The following CCDC169 variants were observed in gnomAD, a reference collection of about 807,000 sequenced individuals.
CCDC169 encodes coiled-coil domain-containing protein 169.
A neutral mutation model predicts 36.0 loss-of-function variants in CCDC169; 30 were observed. That is an observed-to-expected ratio of 0.83 (90% CI 0.62 to 1.13). The LOEUF (loss-of-function observed/expected upper bound fraction) is 1.13, where lower values mean the gene tolerates loss of function less well. Among genes scored for constraint, CCDC169 ranks in the 50% most tolerant of loss-of-function variants. The probability of loss-of-function intolerance (pLI) is 0.00; values close to 1 mark genes in which losing one functional copy is unlikely to be tolerated. For missense variants in CCDC169, 245 were observed against 245.9 expected, an observed-to-expected ratio of 1.00 and a Z score of 0.03; for synonymous variants, 85 against 81.5, an observed-to-expected ratio of 1.04 and a Z score of -0.23.
chr13:36,297,159 T>C (rs1879610084), intron 1 of CCDC169, among the ~76,000 whole-genome samples: 1 of 152,138 alleles, frequency 6.6e-6, no homozygotes. Context: ...CTTTAAATGT[T>C]TCAAAAATTT....
chr13:36,278,897 T>A (rs1028932079), intron 4 of CCDC169, among the ~76,000 whole-genome samples: 1 of 152,166 alleles, frequency 6.6e-6, no homozygotes, highest in African/African-American at 2.4e-5. Context: ...CAAACAAAAC[T>A]AAACTTACCA....
At chr13:36,255,691 C>T (rs1188129255) in intron 4 of CCDC169, among the ~76,000 whole-genome samples, 4 of 150,888 alleles carry the variant, frequency 2.7e-5, no homozygotes, top group South Asian at 2.1e-4. Flanking sequence ...GCCTGCTTGC[C>T]GATCAGACTT....
chr13:36,251,432 G>C (rs1873141832), intron 6 of CCDC169, among the ~76,000 whole-genome samples: 1 of 152,082 alleles, frequency 6.6e-6, no homozygotes, highest in Non-Finnish European at 1.5e-5. Context: ...TGTTAAAATA[G>C]GCTTTTATCA....
chr13:36,244,022 T>G (rs1872185123), intron 7 of CCDC169, among the ~76,000 whole-genome samples: 1 of 152,164 alleles, frequency 6.6e-6, no homozygotes, highest in South Asian at 2.1e-4. Flanking sequence ...TCTTCACTAT[T>G]TAAGCAAATT....
intron 7 of CCDC169, among the ~76,000 whole-genome samples, chr13:36,236,618 C>A (rs1871110547): frequency 6.6e-6 from 1 of 151,972 alleles, no homozygotes; most frequent in Non-Finnish European, 1.5e-5. Context: ...AGATGATGGT[C>A]TTTATCAAAA....
chr13:36,296,930 T>C (rs1038082632), intron 1 of CCDC169, among the ~76,000 whole-genome samples: 1 of 152,236 alleles, frequency 6.6e-6, no homozygotes, highest in African/African-American at 2.4e-5. Context: ...TTTGCAGGAC[T>C]GTCCTCAAGT....
At chr13:36,242,323 T>A (rs1871935051) in intron 7 of CCDC169, among the ~76,000 whole-genome samples, 1 of 152,202 alleles carries the variant, frequency 6.6e-6, no homozygotes, top group African/African-American at 2.4e-5. Context: ...TAATTTGCAT[T>A]CTGCTGATGA....
chr13:36,232,314 T>G (rs955744296), intron 7 of CCDC169, among the ~76,000 whole-genome samples: 1 of 152,190 alleles, frequency 6.6e-6, no homozygotes, highest in African/African-American at 2.4e-5. Flanking sequence ...AGTCTGGTGA[T>G]TACTTGAAAG....
intron 7 of CCDC169, among the ~76,000 whole-genome samples, chr13:36,244,084 C>A (rs929763719): frequency 2.0e-5 from 3 of 152,072 alleles, no homozygotes; most frequent in Non-Finnish European, 4.4e-5. Context: ...GGAAAATAAA[C>A]CTGAACTGCA....
intron 4 of CCDC169, among the ~76,000 whole-genome samples, chr13:36,270,222 A>G (rs1016546101): frequency 1.3e-4 from 20 of 152,282 alleles, no homozygotes; most frequent in Admixed American, 2.6e-4. Context: ...AAGCAGGTGA[A>G]AGATCTCTAC....
Position 36,230,859 on chromosome 13 carries a change from G to T in CCDC169, c.*334C>A, listed in dbSNP as rs1183104148. 1 of 1,004,290 alleles carries T rather than the reference G, an allele frequency of 1.0e-6. No individual in the cohort carries two copies. Among genetic ancestry groups the T allele is most frequent in the Non-Finnish European group, 1.2e-6 (1 of 843,032 alleles). 62.2% of individuals were successfully genotyped at this position (1,004,290 alleles called of 1,614,324 possible). On this transcript the variant is annotated 3_prime_UTR_variant, in exon 8 of 8. Transcript: ENST00000239859. ...AAGGTTTTATGAATACACACTTTTT[G>T]CTAACAGTCAACTAGAAACCAAATA...
At chr13:36,224,035 A>C (rs1869740435), downstream of CCDC169, 1 of 152,202 alleles carries the variant, frequency 6.6e-6, no homozygotes, top group Admixed American at 6.5e-5. Context: ...ATTTGAAATC[A>C]ATACTATATA....
chr13:36,250,643 T>C lies in CCDC169; in HGVS notation c.469-1961A>G, dbSNP rs139037088. 2.0e-3 allele frequency among the ~76,000 whole-genome samples: 308 copies of C among 152,268 alleles called. 1 individual carries two copies. The highest frequency in any genetic ancestry group is 6.9e-3 in the African/African-American group (288 of 41,550). On this transcript the variant is annotated intron_variant, in intron 6 of 7. Coordinates refer to ENST00000239859, the MANE Select transcript of CCDC169 (RefSeq NM_001144981.3). ...ATACCTGGGCAGTCTGGAACCTATG[T>C]TATGAGGAATGGCTAATGTAACTTA...
At chr13:36,283,363 A>C (rs1998799) in intron 4 of CCDC169, 106 bp downstream of exon 4, 278,951 of 1,060,214 alleles carry the variant, frequency 0.26, 39,016 homozygotes, top group East Asian at 0.47. Flanking sequence ...AAAACAGTTT[A>C]TTTGGACCTT....
intron 2 of CCDC169, among the ~76,000 whole-genome samples, chr13:36,291,971 G>A (rs1043839641): frequency 2.5e-4 from 37 of 150,784 alleles, no homozygotes; most frequent in African/African-American, 9.0e-4. Flanking sequence ...GTAAACTTGT[G>A]TGTTGTCAAT....
chr13:36,263,900 G>T (rs1210936655), intron 4 of CCDC169, among the ~76,000 whole-genome samples: 2 of 152,108 alleles, frequency 1.3e-5, no homozygotes, highest in Non-Finnish European at 2.9e-5. Context: ...ATAATCAGGG[G>T]GTGAGGGAGG....
chr13:36,271,950 C>T (rs1566080550), intron 4 of CCDC169, among the ~76,000 whole-genome samples: 1 of 151,404 alleles, frequency 6.6e-6, no homozygotes, highest in Non-Finnish European at 1.5e-5. Context: ...CCTGGAGTGG[C>T]AGTGCATGTC....
chr13:36,239,284 C>T (rs1037803233), intron 7 of CCDC169, among the ~76,000 whole-genome samples: 2 of 151,820 alleles, frequency 1.3e-5, no homozygotes, highest in Non-Finnish European at 2.9e-5. Flanking sequence ...TATCAATATG[C>T]ATCACACATA....
downstream of CCDC169, among the ~76,000 whole-genome samples, chr13:36,228,914 T>G (rs1870131366): frequency 6.6e-6 from 1 of 152,178 alleles, no homozygotes; most frequent in Non-Finnish European, 1.5e-5. Context: ...TTTTCTCTAC[T>G]TGTATATTCC....
Sources: allele counts gnomAD v4.1 joint callset (sites outside exome capture counted in the v4.1 genomes callset), GRCh38; gene constraint gnomAD v4.1.1; transcripts MANE v1.5; gene names NCBI Gene and HGNC (gene_info 2026-07-23, HGNC 2026-07-21).